Variants in TMEM126B observed in about 807,000 individuals in gnomAD.
The protein encoded by TMEM126B is transmembrane protein 126B, also known as complex I assembly factor TMEM126B, mitochondrial.
Under a neutral mutation model 16.5 loss-of-function variants are expected in TMEM126B, and 19 were observed. That is an observed-to-expected ratio of 1.15 (90% confidence interval 0.80 to 1.69). TMEM126B has a LOEUF of 1.69. Among genes scored for constraint, TMEM126B ranks in the 40% most tolerant of loss-of-function variants. The probability of loss-of-function intolerance (pLI) is 0.00; values close to 1 mark genes in which losing one functional copy is unlikely to be tolerated. For synonymous variants in TMEM126B, 104 were observed against 93.2 expected (o/e 1.12, Z -0.67); for missense variants, 293 against 278.7 (o/e 1.05, Z -0.37).
Position 85,631,719 on chromosome 11 carries a change from G to C in TMEM126B, c.114G>C (p.Gln38His), listed in dbSNP as rs1259517951. The change falls in exon 2 of 5, where the codon CAG (glutamine) becomes CAC (histidine). Residue 38 changes from glutamine to histidine, a missense_variant. By Grantham distance (24) the Gln-to-His change is conservative. Transcript: ENST00000358867. ...AGATGGCAGCATCTATGCATGGTCA[G>C]CCCAGTCCTTCTCTAGAAGATGCAA... ...VFKMAASMHGQPSPSLEDAKL... is the reference protein window; with the variant it reads ...VFKMAASMHGHPSPSLEDAKL... 1 of 1,613,304 alleles carries C rather than the reference G, an allele frequency of 6.2e-7. No homozygotes were observed. The highest frequency in any genetic ancestry group is 1.3e-5 in the African/African-American group (1 of 74,826).
rs190564912 is a variant in TMEM126B at position 85,632,251 on chromosome 11, T to C, written c.203+443T>C. Reference sequence around the variant, plus strand: ...TATAGTCTCACATTAACATATTGACTTTTTTTTTTGAGATAAGAGTCTCAC... The same window carrying C: ...TATAGTCTCACATTAACATATTGACCTTTTTTTTTGAGATAAGAGTCTCAC... On this transcript the variant is annotated intron_variant, in intron 2 of 4. Coordinates refer to ENST00000358867, the MANE Select transcript of TMEM126B (RefSeq NM_018480.7). Among the ~76,000 whole-genome samples, 191 of 149,128 alleles carry C rather than the reference T, an allele frequency of 1.3e-3. 1 individual carries two copies. Among genetic ancestry groups the C allele is most frequent in the African/African-American group, 4.6e-3 (186 of 40,842 alleles).
At chr11:85,635,528 A>T in intron 3 of TMEM126B, 139 bp from the exon 4 acceptor site, 1 of 556,404 alleles carries the variant, frequency 1.8e-6, no homozygotes, top group Non-Finnish European at 3.1e-6. Flanking sequence ...GTTATATGCC[A>T]CAGAGTTTGA....
At chr11:85,632,571 A>G (rs2082322678) in intron 2 of TMEM126B, among the ~76,000 whole-genome samples, 1 of 152,172 alleles carries the variant, frequency 6.6e-6, no homozygotes, top group East Asian at 1.9e-4. Context: ...ATTTTTTTGG[A>G]TGAAGTTTTA....
chr11:85,636,014 A>G lies in TMEM126B; in HGVS notation c.510-32A>G, dbSNP rs1260397368. ...CAAACTTCTAATAGCATTCATATCC[A>G]GGAGAGGTGATTAACTCTTTTTTCT... is the stretch of plus-strand genomic sequence containing the variant. On this transcript the variant is annotated intron_variant, in intron 4 of 4. Transcript: ENST00000358867. The G allele has an allele frequency of 3.3e-6, 5 of 1,532,232 alleles. No homozygotes were observed. In the East Asian group the frequency reaches 9.0e-5, roughly 28 times the overall value. The allele number at this position is 1,532,232 out of a possible 1,614,324, so 94.9% of individuals were successfully genotyped here. A position where few individuals can be genotyped will look rare whatever the true frequency, so the allele number is the denominator to read the frequency against.
chr11:85,630,194 G>T (rs184988503), intron 1 of TMEM126B, among the ~76,000 whole-genome samples: 1 of 152,186 alleles, frequency 6.6e-6, no homozygotes, highest in South Asian at 2.1e-4. Context: ...CTGAATCCAG[G>T]TATCTCAGGA....
chr11:85,631,551 T>C (rs2082296573), intron 1 of TMEM126B, 136 bp from the exon 2 acceptor site: 2 of 1,000,270 alleles, frequency 2.0e-6, no homozygotes, highest in Admixed American at 3.2e-5. Context: ...TAACAAAGTA[T>C]GTGAAAGCAG....
At chr11:85,635,841 G>A in intron 4 of TMEM126B, 63 bp downstream of exon 4, 2 of 785,842 alleles carry the variant, frequency 2.5e-6, no homozygotes, top group Non-Finnish European at 3.7e-6. Context: ...TTTTTTTTTA[G>A]GTTAATAAAC....
chr11:85,635,811 CTTTT>C (rs2082390119), intron 4 of TMEM126B, 33 bp downstream of exon 4: 2 of 1,077,406 alleles, frequency 1.9e-6, no homozygotes, highest in Non-Finnish European at 2.5e-6. Context: ...TTTTTCTTTT[CTTTT>C]CTTTTCTTTT....
chr11:85,628,767 T>C (rs2153300928), intron 1 of TMEM126B, 79 bp downstream of exon 1: 2 of 1,381,724 alleles, frequency 1.4e-6, no homozygotes, highest in Non-Finnish European at 2.0e-6. Context: ...AGATGATACC[T>C]TTAAAGGAGA....
At chr11:85,629,270 T>G (rs759639063) in intron 1 of TMEM126B, 1 of 1,283,850 alleles carries the variant, frequency 7.8e-7, no homozygotes, top group South Asian at 1.2e-5. Context: ...AAGGTGAAAT[T>G]TATTATTAGG....
chr11:85,628,831 T>A, intron 1 of TMEM126B, 143 bp downstream of exon 1: 2 of 811,622 alleles, frequency 2.5e-6, no homozygotes, highest in East Asian at 2.7e-5. Context: ...CGATTAAGTC[T>A]CCAGTTGCTG....
rs549066289 is a variant in TMEM126B, at chr11:85,635,509, A to C, written c.398-158A>C. Among the ~76,000 whole-genome samples the C allele has an allele frequency of 2.6e-5, 4 of 152,346 alleles. No individual in the cohort carries two copies. In the South Asian group the frequency reaches 8.3e-4, roughly 32 times the overall value. ...ATAAAAACTTTTTAAAATGTGCTGC[A>C]TTTGGCCTGTTATATGCCACAGAGT... is the stretch of plus-strand genomic sequence containing the variant. On this transcript the variant is annotated intron_variant, in intron 3 of 4. Coordinates refer to ENST00000358867, the MANE Select transcript of TMEM126B (RefSeq NM_018480.7).
At chr11:85,630,923 G>C (rs1423030843) in intron 1 of TMEM126B, among the ~76,000 whole-genome samples, 1 of 152,184 alleles carries the variant, frequency 6.6e-6, no homozygotes, top group East Asian at 1.9e-4. Context: ...AATTAGCCGG[G>C]TGTGGTGGCA....
Position 85,634,228 on chromosome 11 carries a change from T to C in TMEM126B, c.346T>C (p.Leu116=). The change falls in exon 3 of 5, where the codon TTG becomes CTG. Residue 116 remains leucine, a synonymous_variant. Transcript: ENST00000358867. ...TGCATCATTGGCTACACTTCCATTT[T>C]TGTCTACTGTTGTTACTGACAAGCT... ...TYASLATLPF[L]STVVTDKLFV... 6.2e-7 allele frequency: 1 copy of C among 1,613,808 alleles called. No homozygotes were observed. The highest frequency in any genetic ancestry group is 8.5e-7 in the Non-Finnish European group (1 of 1,179,904).
Position 85,634,244 on chromosome 11 carries a change from C to A in TMEM126B, c.362C>A (p.Thr121Asn). Reference sequence around the variant, plus strand: ...CTTCCATTTTTGTCTACTGTTGTTACTGACAAGCTTTTTGTAATTGATGCT... The same window carrying A: ...CTTCCATTTTTGTCTACTGTTGTTAATGACAAGCTTTTTGTAATTGATGCT... ...ATLPFLSTVV[T>N]DKLFVIDALY... Residue 121 changes from threonine (T) to asparagine (N), a missense_variant, in exon 3 of 5, where the codon ACT becomes AAT. Coordinates refer to ENST00000358867, the MANE Select transcript of TMEM126B (RefSeq NM_018480.7). 6.2e-7 allele frequency: 1 copy of A among 1,613,478 alleles called. No homozygotes were observed. The highest frequency in any genetic ancestry group is 1.1e-5 in the South Asian group (1 of 90,998).
chr11:85,636,388 C>T lies in TMEM126B; in HGVS notation c.*159C>T, dbSNP rs2082405645. ...CTCAAAAAGTATTCAATAATTCAAT[C>T]AATAAATATAAGTTTCATCTTACAC... On this transcript the variant is annotated 3_prime_UTR_variant, in exon 5 of 5. Coordinates refer to ENST00000358867, the MANE Select transcript of TMEM126B (RefSeq NM_018480.7). The T allele has an allele frequency of 2.2e-6, 1 of 453,956 alleles. No homozygotes were observed. Among genetic ancestry groups the T allele is most frequent in the African/African-American group, 2.0e-5 (1 of 50,626 alleles). The allele number at this position is 453,956 out of a possible 1,614,324, so 28.1% of individuals were successfully genotyped here. A position where few individuals can be genotyped will look rare whatever the true frequency, so the allele number is the denominator to read the frequency against.
At chr11:85,629,575 G>C (rs983931198) in intron 1 of TMEM126B, among the ~76,000 whole-genome samples, 5 of 152,046 alleles carry the variant, frequency 3.3e-5, no homozygotes, top group African/African-American at 9.7e-5. Context: ...GTGTAGACTA[G>C]GTAGGAGATT....
intron 1 of TMEM126B, 101 bp from the exon 2 acceptor site, chr11:85,631,586 T>C: frequency 7.3e-7 from 1 of 1,367,634 alleles, no homozygotes; most frequent in Non-Finnish European, 9.9e-7. Flanking sequence ...GGCACACTAC[T>C]AAACTGTAAA....
intron 2 of TMEM126B, among the ~76,000 whole-genome samples, chr11:85,633,867 G>C (rs930601643): frequency 1.3e-5 from 2 of 152,136 alleles, no homozygotes; most frequent in Non-Finnish European, 2.9e-5. Context: ...AGAGAATCAT[G>C]TCCTCTCATT....
Sources: gnomAD v4.1 joint callset for allele counts (sites outside exome capture counted in the v4.1 genomes callset) on GRCh38, gnomAD v4.1.1 for gene constraint, MANE v1.5 for transcripts, NCBI Gene and HGNC (gene_info 2026-07-23, HGNC 2026-07-21) for gene names.